Variants in CCDC158 observed in about 807,000 individuals in gnomAD.
CCDC158 encodes coiled-coil domain containing 158.
CCDC158 carries 116 observed loss-of-function variants against 138.6 expected under a neutral mutation model. The observed-to-expected ratio is 0.84, with a 90% CI of 0.72 to 0.98. The LOEUF (loss-of-function observed/expected upper bound fraction) is 0.98, where lower values mean the gene tolerates loss of function less well. Among genes scored for constraint, CCDC158 ranks in the 50% least tolerant of loss-of-function variants. CCDC158 has a pLI of 0.00. For missense variants in CCDC158, 1,265 were observed against 1,306.1 expected, an observed-to-expected ratio of 0.97 and a Z score of 0.48; for synonymous variants, 436 against 442.4, an observed-to-expected ratio of 0.99 and a Z score of 0.18.
intron 24 of CCDC158, among the ~76,000 whole-genome samples, chr4:76,321,953 T>C (rs972052891): frequency 6.6e-6 from 1 of 151,290 alleles, no homozygotes; most frequent in Non-Finnish European, 1.5e-5. Flanking sequence ...GGAGCTAAGC[T>C]ATGAGGACGC....
chr4:76,364,217 C>T (rs59411364), intron 12 of CCDC158, among the ~76,000 whole-genome samples: 3,795 of 152,300 alleles, frequency 0.025, 152 homozygotes, highest in African/African-American at 0.087. Flanking sequence ...CCCTGTCCCT[C>T]GCCCCTCATA....
At chr4:76,387,297 C>G (rs1347719753) in intron 4 of CCDC158, among the ~76,000 whole-genome samples, 1 of 152,122 alleles carries the variant, frequency 6.6e-6, no homozygotes, top group Non-Finnish European at 1.5e-5. Context: ...CCCTACCTCC[C>G]AGACAATAAT....
chr4:76,358,244 AC>A (rs1402244916), intron 13 of CCDC158, among the ~76,000 whole-genome samples: 1 of 152,054 alleles, frequency 6.6e-6, no homozygotes, highest in Non-Finnish European at 1.5e-5. Context: ...CCTGAAACCT[AC>A]ACTTAATCCC....
At chr4:76,348,472 A>C (rs1375479105) in intron 18 of CCDC158, among the ~76,000 whole-genome samples, 1 of 148,946 alleles carries the variant, frequency 6.7e-6, no homozygotes, top group African/African-American at 2.5e-5. Context: ...CACTAATACC[A>C]TTTGTAAGGG....
chr4:76,338,938 CGAAAAGAAAGCTGCATT>C (rs930148850), intron 18 of CCDC158, among the ~76,000 whole-genome samples: 9 of 151,988 alleles, frequency 5.9e-5, no homozygotes, highest in South Asian at 2.1e-4. Flanking sequence ...AGACTGCCAA[CGAAAAGAAAGCTGCATT>C]GAAAAGAAAG....
At chr4:76,418,455 C>G (rs1729863084) in intron 1 of CCDC158, among the ~76,000 whole-genome samples, 1 of 152,074 alleles carries the variant, frequency 6.6e-6, no homozygotes, top group Non-Finnish European at 1.5e-5. Context: ...GAAAAGAAAG[C>G]AGATGTGGGG....
intron 9 of CCDC158, among the ~76,000 whole-genome samples, chr4:76,378,093 T>C (rs558668797): frequency 5.3e-5 from 8 of 152,308 alleles, no homozygotes; most frequent in African/African-American, 1.9e-4. Flanking sequence ...TGGCTTAGAC[T>C]TTAGTAAAGT....
intron 18 of CCDC158, among the ~76,000 whole-genome samples, chr4:76,347,412 A>T (rs1251035371): frequency 6.6e-6 from 1 of 152,166 alleles, no homozygotes; most frequent in Admixed American, 6.5e-5. Flanking sequence ...TTGCAGGGAC[A>T]TGAATGAAGC....
intron 24 of CCDC158, among the ~76,000 whole-genome samples, chr4:76,321,962 G>A (rs1007794619): frequency 2.6e-5 from 4 of 151,554 alleles, no homozygotes; most frequent in African/African-American, 7.3e-5. Context: ...CTATGAGGAC[G>A]CAAAGGCATA....
At chr4:76,329,401 G>C (rs1720818935) in intron 21 of CCDC158, among the ~76,000 whole-genome samples, 1 of 152,018 alleles carries the variant, frequency 6.6e-6, no homozygotes, top group Non-Finnish European at 1.5e-5. Context: ...TGGCCAACAT[G>C]GTGAAACCCC....
intron 24 of CCDC158, among the ~76,000 whole-genome samples, chr4:76,321,497 C>A (rs563360984): frequency 6.6e-6 from 1 of 150,886 alleles, no homozygotes; most frequent in African/African-American, 2.4e-5. Context: ...AAATATGGAA[C>A]CAGCCTAAAT....
intron 1 of CCDC158, among the ~76,000 whole-genome samples, chr4:76,414,756 G>A (rs1413581609): frequency 6.6e-6 from 1 of 152,206 alleles, no homozygotes; most frequent in African/African-American, 2.4e-5. Context: ...CTGCTGCCAA[G>A]TAAGAAGTGC....
chr4:76,326,561 G>A (rs6833733), intron 22 of CCDC158, among the ~76,000 whole-genome samples: 4,463 of 152,100 alleles, frequency 0.029, 219 homozygotes, highest in African/African-American at 0.1. Flanking sequence ...TTATCTGCAT[G>A]AAAAAATCAT....
chr4:76,351,192 G>A, intron 17 of CCDC158, 71 bp from the exon 18 acceptor site: 5 of 1,419,506 alleles, frequency 3.5e-6, no homozygotes, highest in African/African-American at 1.4e-5. Flanking sequence ...AAATCAAAAT[G>A]TATTTTTTGA....
intron 15 of CCDC158, among the ~76,000 whole-genome samples, chr4:76,354,594 A>G (rs1018279963): frequency 1.1e-4 from 17 of 152,190 alleles, no homozygotes; most frequent in Non-Finnish European, 2.1e-4. Flanking sequence ...CTTATTCGTG[A>G]ATGAGTCTCA....
chr4:76,368,167 T>C (rs924504790), intron 11 of CCDC158, among the ~76,000 whole-genome samples: 3 of 152,190 alleles, frequency 2.0e-5, no homozygotes, highest in African/African-American at 7.2e-5. Flanking sequence ...AACGGTGTTC[T>C]AGAGTGCAGT....
At chr4:76,376,533 A>C (rs552941134) in intron 9 of CCDC158, among the ~76,000 whole-genome samples, 16 of 152,110 alleles carry the variant, frequency 1.1e-4, no homozygotes, top group Non-Finnish European at 1.8e-4. Context: ...ATGAAAAATA[A>C]AGCAGAATAA....
intron 22 of CCDC158, 128 bp downstream of exon 22, chr4:76,328,772 G>A (rs1720752308): frequency 4.3e-6 from 3 of 704,260 alleles, no homozygotes; most frequent in African/African-American, 1.8e-5. Flanking sequence ...ATGAAAGAGG[G>A]AGTAGCAGGA....
intron 22 of CCDC158, among the ~76,000 whole-genome samples, chr4:76,328,352 G>A (rs926367555): frequency 2.0e-5 from 3 of 152,230 alleles, no homozygotes; most frequent in Non-Finnish European, 2.9e-5. Flanking sequence ...CACAGCTCTT[G>A]TCTCACAGGG....
Sources: allele counts gnomAD v4.1 joint callset (sites outside exome capture counted in the v4.1 genomes callset), GRCh38; gene constraint gnomAD v4.1.1; transcripts MANE v1.5; gene names NCBI Gene and HGNC (gene_info 2026-07-23, HGNC 2026-07-21).